The following DNAJA2 variants were observed in gnomAD, a reference collection of about 807,000 sequenced individuals.
DNAJA2 encodes dnaJ homolog subfamily A member 2.
In DNAJA2, 6 loss-of-function variants were observed where a neutral mutation model predicts 49.3. That is an observed-to-expected ratio of 0.12 (90% confidence interval 0.07 to 0.24). DNAJA2 has a LOEUF of 0.24. Among genes scored for constraint, DNAJA2 ranks in the 10% least tolerant of loss-of-function variants. The probability of loss-of-function intolerance (pLI) is 1.00; values close to 1 mark genes in which losing one functional copy is unlikely to be tolerated. For synonymous variants in DNAJA2, 160 were observed against 172.7 expected, an observed-to-expected ratio of 0.93 and a Z score of 0.58; for missense variants, 347 against 516.8, an observed-to-expected ratio of 0.67 and a Z score of 3.19.
intron 8 of DNAJA2, among the ~76,000 whole-genome samples, chr16:46,957,832 G>T (rs1216027672): frequency 6.6e-6 from 1 of 152,138 alleles, no homozygotes; most frequent in African/African-American, 2.4e-5. Context: ...ACGATAAAGG[G>T]GTAGTGGTCC....
intron 6 of DNAJA2, among the ~76,000 whole-genome samples, chr16:46,961,144 C>G (rs1165648879): frequency 9.2e-5 from 14 of 152,180 alleles, no homozygotes; most frequent in Non-Finnish European, 1.5e-5. Context: ...TGCCTATAAT[C>G]CCAGCACTTT....
At position 46,964,725 on chromosome 16, in the gene DNAJA2, G is replaced by A. The variant is rs761981158; in HGVS notation, c.660C>T (p.His220=). The A allele has an allele frequency of 4.3e-6, 7 of 1,614,034 alleles. No individual in the cohort carries two copies. Among genetic ancestry groups the A allele is most frequent in the Non-Finnish European group, 2.5e-6 (3 of 1,179,992 alleles). ...GTCCATGTTTCATGCCTTTGTCTACGTGGACTTCAAGAATCTTGACTTCTT... is the reference window on the plus strand; with the variant it reads ...GTCCATGTTTCATGCCTTTGTCTACATGGACTTCAAGAATCTTGACTTCTT... ...VIKEVKILEV[H]VDKGMKHGQR... is the part of the protein sequence containing the mutation. The change falls in exon 6 of 9, where the codon CAC becomes CAT. Residue 220 remains histidine, a synonymous_variant. Transcript: ENST00000317089.
At chr16:46,970,669 G>T (rs1335721298) in intron 3 of DNAJA2, among the ~76,000 whole-genome samples, 3 of 134,562 alleles carry the variant, frequency 2.2e-5, no homozygotes, top group Non-Finnish European at 3.1e-5. Context: ...TGAGAGGAGG[G>T]GGATGCAGTG....
Position 46,965,216 on chromosome 16 carries a change from AAAC to A in DNAJA2, c.578-412_578-410del, listed in dbSNP as rs1367591113. Among the ~76,000 whole-genome samples the A allele has an allele frequency of 2.0e-5, 3 of 152,312 alleles. No homozygotes were observed. The East Asian group carries it at 5.8e-4, about 29-fold the overall frequency. On this transcript the variant is annotated intron_variant, in intron 5 of 8. Transcript: ENST00000317089. ...CAGTGTGAGGCCATGTCTCAAAACAAAACAAAAAAAAGCACTATTCTGAATAAC... is the reference window on the plus strand; with the variant it reads ...CAGTGTGAGGCCATGTCTCAAAACAAAAAAAAAAGCACTATTCTGAATAAC...
At chr16:46,962,336 G>C (rs1961908216) in intron 6 of DNAJA2, among the ~76,000 whole-genome samples, 1 of 152,036 alleles carries the variant, frequency 6.6e-6, no homozygotes, top group South Asian at 2.1e-4. Context: ...ACTAAACTTA[G>C]GGATAAAAAA....
intron 5 of DNAJA2, 44 bp from the exon 6 acceptor site, chr16:46,964,851 T>A (rs762042064): frequency 7.1e-7 from 1 of 1,408,088 alleles, no homozygotes; most frequent in Non-Finnish European, 9.9e-7. Context: ...AGTACTATAC[T>A]GTACTCTTAA....
At chr16:46,966,903 T>G (rs1961979172) in intron 5 of DNAJA2, among the ~76,000 whole-genome samples, 1 of 152,162 alleles carries the variant, frequency 6.6e-6, no homozygotes. Context: ...CCTATGGTGG[T>G]CATTCCTACA....
rs1596659423 is a variant in DNAJA2, at chr16:46,971,441, G to A, written c.270C>T (p.His90=). Residue 90 remains histidine, a synonymous_variant, in exon 3 of 9, where the codon CAC becomes CAT. Coordinates refer to ENST00000317089, the MANE Select transcript of DNAJA2 (RefSeq NM_005880.4). ...GGGGMDDIFS[H]IFGGGLFGFM... ...AGCCGAACAATCCCCCACCAAAAAT[G>A]TGAGAGAAAATATCATCCATGCCAC... 1 of 1,614,020 alleles carries A rather than the reference G, an allele frequency of 6.2e-7. No individual in the cohort carries two copies. Among genetic ancestry groups the A allele is most frequent in the African/African-American group, 1.3e-5 (1 of 74,990 alleles).
Position 46,964,619 on chromosome 16 carries a change from C to T in DNAJA2, c.766G>A (p.Glu256Lys). Residue 256 changes from glutamate (E) to lysine (K), a missense_variant, in exon 6 of 9, where the codon GAA becomes AAA. Transcript: ENST00000317089. ...AAAAAAAGGAAAATCACCTCATGTT[C>T]TTTCTCCTGTAGCAAAAGAACAATG... The part of the protein sequence containing the change: ...GDIVLLLQEK[E>K]HEVFQRDGND... The T allele has an allele frequency of 6.3e-7, 1 of 1,594,946 alleles. No individual in the cohort carries two copies. The highest frequency in any genetic ancestry group is 8.5e-7 in the Non-Finnish European group (1 of 1,175,218).
At chr16:46,963,926 C>G (rs1961933721) in intron 6 of DNAJA2, among the ~76,000 whole-genome samples, 1 of 152,130 alleles carries the variant, frequency 6.6e-6, no homozygotes, top group South Asian at 2.1e-4. Context: ...AACAAAGAAA[C>G]TGAGACAGTA....
intron 5 of DNAJA2, among the ~76,000 whole-genome samples, 153 bp downstream of exon 5, chr16:46,967,360 T>C (rs2233776): frequency 2.6e-5 from 4 of 152,210 alleles, no homozygotes; most frequent in Admixed American, 6.5e-5. Flanking sequence ...CCCAAAGTGC[T>C]GGAATTATAG....
At chr16:46,970,450 C>A (rs893076357) in intron 3 of DNAJA2, among the ~76,000 whole-genome samples, 1 of 152,070 alleles carries the variant, frequency 6.6e-6, no homozygotes, top group Admixed American at 6.6e-5. Context: ...TCATATACTT[C>A]AAAGAAAATA....
At chr16:46,967,791 C>G (rs897474077) in intron 4 of DNAJA2, 145 bp from the exon 5 acceptor site, 1 of 1,224,620 alleles carries the variant, frequency 8.2e-7, no homozygotes, top group African/African-American at 1.5e-5. Flanking sequence ...AGAAAACATT[C>G]TGCTAAGATT....
chr16:46,973,488 C>G lies in DNAJA2; in HGVS notation c.78+7G>C. ...CCCTCACACCCGCCCGGCCCGCTCC[C>G]AGATACCTTCTTCAGCTCGTTCTCG... On this transcript the variant is annotated splice_region_variant and intron_variant, in intron 1 of 8. Transcript: ENST00000317089. 1 of 1,599,380 alleles carries G rather than the reference C, an allele frequency of 6.3e-7. No individual in the cohort carries two copies. The highest frequency in any genetic ancestry group is 1.1e-5 in the South Asian group (1 of 89,454).
intron 3 of DNAJA2, among the ~76,000 whole-genome samples, chr16:46,968,823 G>T (rs1962009040): frequency 6.6e-6 from 1 of 152,176 alleles, no homozygotes; most frequent in Non-Finnish European, 1.5e-5. Context: ...GAGGAGGGAG[G>T]ATTGCTTGAG....
rs1177489638 is a variant in DNAJA2, at chr16:46,956,004, C to T, written c.*1025G>A. On this transcript the variant is annotated 3_prime_UTR_variant, in exon 9 of 9. Coordinates refer to ENST00000317089, the MANE Select transcript of DNAJA2 (RefSeq NM_005880.4). Reference sequence around the variant, plus strand: ...ATAATAATCAATGGCTTCTCCAATTCCAAATATTCAACTTAATGGAGACAG... The same window carrying T: ...ATAATAATCAATGGCTTCTCCAATTTCAAATATTCAACTTAATGGAGACAG... The T allele has an allele frequency of 6.6e-6, 1 of 152,166 alleles. No homozygotes were observed. Among genetic ancestry groups the T allele is most frequent in the African/African-American group, 2.4e-5 (1 of 41,440 alleles). The allele number at this position is 152,166 out of a possible 1,614,324, so 9.4% of individuals were successfully genotyped here. A position where few individuals can be genotyped will look rare whatever the true frequency, so the allele number is the denominator to read the frequency against.
In DNAJA2 at chr16:46,959,027, G is replaced by C; in HGVS notation, c.1023C>G (p.Asn341Lys). The change falls in exon 8 of 9, where the codon AAC becomes AAG. Residue 341 changes from asparagine to lysine, a missense_variant. Physicochemically the swap from Asn to Lys is moderately conservative, Grantham distance 94 (BLOSUM62 0). Coordinates refer to ENST00000317089, the MANE Select transcript of DNAJA2 (RefSeq NM_005880.4). Reference protein sequence around the residue: ...IKFDVQFPENNWINPDKLSEL... With the variant: ...IKFDVQFPENKWINPDKLSEL... ...CAGAAAGCTTGTCTGGGTTGATCCAGTTGTTTTCAGGAAACTGCACATCAA... is the reference window on the plus strand; with the variant it reads ...CAGAAAGCTTGTCTGGGTTGATCCACTTGTTTTCAGGAAACTGCACATCAA... The C allele has an allele frequency of 1.2e-6, 2 of 1,606,560 alleles. No homozygotes were observed. The highest frequency in any genetic ancestry group is 1.7e-6 in the Non-Finnish European group (2 of 1,177,952).
At chr16:46,963,564 A>G (rs1476168238) in intron 6 of DNAJA2, among the ~76,000 whole-genome samples, 3 of 151,694 alleles carry the variant, frequency 2.0e-5, no homozygotes, top group African/African-American at 7.3e-5. Context: ...ATAGATGGGC[A>G]TGATGGTGCA....
At position 46,964,868 on chromosome 16, in the gene DNAJA2, T is replaced by C; in HGVS notation, c.578-61A>G. On this transcript the variant is annotated intron_variant, in intron 5 of 8. Transcript: ENST00000317089. Reference sequence around the variant, plus strand: ...TACTATACTGTACTCTTAATACCCTTATTCTTTAAATATGCTTTCTGGACT... The same window carrying C: ...TACTATACTGTACTCTTAATACCCTCATTCTTTAAATATGCTTTCTGGACT... The C allele has an allele frequency of 4.6e-6, 6 of 1,316,212 alleles. No individual in the cohort carries two copies. The South Asian group carries it at 5.9e-5, about 13-fold the overall frequency. The allele number at this position is 1,316,212 out of a possible 1,614,324, so 81.5% of individuals were successfully genotyped here. A position where few individuals can be genotyped will look rare whatever the true frequency, so the allele number is the denominator to read the frequency against.
Sources: gnomAD v4.1 joint callset for allele counts (sites outside exome capture counted in the v4.1 genomes callset) on GRCh38, gnomAD v4.1.1 for gene constraint, MANE v1.5 for transcripts, NCBI Gene and HGNC (gene_info 2026-07-23, HGNC 2026-07-21) for gene names.